Variants in TMEM242 observed in about 807,000 individuals in gnomAD.
TMEM242 encodes transmembrane protein 242, also known as UPF0463 transmembrane protein C6orf35.
In TMEM242, 10 loss-of-function variants were observed where a neutral mutation model predicts 18.2. The observed-to-expected ratio is 0.55, with a 90% CI of 0.34 to 0.93. The LOEUF (loss-of-function observed/expected upper bound fraction) is 0.93, where lower values mean the gene tolerates loss of function less well. Among genes scored for constraint, TMEM242 ranks in the 40% least tolerant of loss-of-function variants. The pLI is 0.02. For synonymous variants in TMEM242, 57 were observed against 69.9 expected (o/e 0.81, Z 0.92); for missense variants, 186 against 175.5 (o/e 1.06, Z -0.34).
At chr6:157,315,743 C>T (rs1778376337) in intron 3 of TMEM242, among the ~76,000 whole-genome samples, 1 of 152,096 alleles carries the variant, frequency 6.6e-6, no homozygotes, top group African/African-American at 2.4e-5. Context: ...TGTATCAATG[C>T]CAAAAAACAA....
intron 3 of TMEM242, among the ~76,000 whole-genome samples, chr6:157,311,309 C>A (rs1778072499): frequency 6.7e-6 from 1 of 150,198 alleles, no homozygotes; most frequent in Non-Finnish European, 1.5e-5. Context: ...TTATAGTGTC[C>A]CAGTGTGTGT....
At chr6:157,306,704 T>A (rs587675324) in intron 3 of TMEM242, among the ~76,000 whole-genome samples, 110 of 152,098 alleles carry the variant, frequency 7.2e-4, no homozygotes, top group African/African-American at 2.4e-3. Context: ...CTGGGTAAAA[T>A]AAAGCAGCAC....
At position 157,292,648 on chromosome 6, in the gene TMEM242, C is replaced by G. The variant is rs1402023055; in HGVS notation, c.*253G>C. Reference sequence around the variant, plus strand: ...AACAGAATCATTTCCTATGGGGTCCCCTCCACATAAGGAAGTTATTCCTGT... The same window carrying G: ...AACAGAATCATTTCCTATGGGGTCCGCTCCACATAAGGAAGTTATTCCTGT... On this transcript the variant is annotated 3_prime_UTR_variant, in exon 4 of 4. Transcript: ENST00000400788. The G allele has an allele frequency of 8.7e-6, 3 of 343,026 alleles. No homozygotes were observed. Among genetic ancestry groups the G allele is most frequent in the African/African-American group, 6.3e-5 (3 of 47,586 alleles). The allele number at this position is 343,026 out of a possible 1,614,324, so 21.2% of individuals were successfully genotyped here. A position where few individuals can be genotyped will look rare whatever the true frequency, so the allele number is the denominator to read the frequency against.
chr6:157,298,532 C>T lies in TMEM242; in HGVS notation c.328-5533G>A, dbSNP rs9347823. Among the ~76,000 whole-genome samples, 10 of 152,248 alleles carry T rather than the reference C, an allele frequency of 6.6e-5. No homozygotes were observed. In the East Asian group the frequency reaches 1.5e-3, roughly 23 times the overall value. On this transcript the variant is annotated intron_variant, in intron 3 of 3. Transcript: ENST00000400788. ...ACATGCCCAACATGCAGCTGCAGTC[C>T]CCACTTCATGTCTTTTTAACGACCC...
chr6:157,311,171 TCCGAATGTGCGCTCA>T (rs1778057795), intron 3 of TMEM242, among the ~76,000 whole-genome samples: 220 of 17,634 alleles, frequency 0.012, 3 homozygotes, highest in Middle Eastern at 0.071. Context: ...CATCATAGTG[TCCGAATGTGCGCTCA>T]CCCAGCCTGA....
chr6:157,317,181 T>C (rs587775774), intron 3 of TMEM242, among the ~76,000 whole-genome samples: 1 of 152,154 alleles, frequency 6.6e-6, no homozygotes, highest in East Asian at 1.9e-4. Context: ...TATGACCCCA[T>C]TTCCTTCCTT....
chr6:157,320,515 G>A (rs782306105), intron 2 of TMEM242, among the ~76,000 whole-genome samples: 3 of 152,260 alleles, frequency 2.0e-5, no homozygotes, highest in Non-Finnish European at 2.9e-5. Flanking sequence ...CTGTCACCCA[G>A]GCTGGAGTGT....
intron 3 of TMEM242, among the ~76,000 whole-genome samples, chr6:157,293,992 A>C (rs1306838485): frequency 3.3e-5 from 5 of 152,110 alleles, no homozygotes; most frequent in African/African-American, 1.2e-4. Flanking sequence ...AAGTGCTGAG[A>C]TCACAGGCGT....
Position 157,310,229 on chromosome 6 carries a change from T to G in TMEM242, c.327+8553A>C, listed in dbSNP as rs587729730. Among the ~76,000 whole-genome samples the G allele has an allele frequency of 5.3e-5, 8 of 152,324 alleles. No homozygotes were observed. The South Asian group carries it at 1.4e-3, about 28-fold the overall frequency. On this transcript the variant is annotated intron_variant, in intron 3 of 3. Coordinates refer to ENST00000400788, the MANE Select transcript of TMEM242 (RefSeq NM_018452.6). Reference sequence around the variant, plus strand: ...CTCTTGAGTCACATGTAAATAACCATGTAAACAGCAAGGCTTCTTTTTCTT... The same window carrying G: ...CTCTTGAGTCACATGTAAATAACCAGGTAAACAGCAAGGCTTCTTTTTCTT...
intron 3 of TMEM242, among the ~76,000 whole-genome samples, chr6:157,312,901 C>CCAGTGTG (rs1778226883): frequency 6.6e-6 from 1 of 151,956 alleles, no homozygotes; most frequent in Non-Finnish European, 1.5e-5. Flanking sequence ...TCATAGTGTC[C>CCAGTGTG]CACTGTGCGC....
At position 157,291,341 on chromosome 6, in the gene TMEM242, A is replaced by C. The variant is rs587644755; in HGVS notation, c.*1560T>G. ...AACGAGTAAAGTGCATCGTTGTAACAAGGTTTGAGGGCCATCTCATGCACG... is the reference window on the plus strand; with the variant it reads ...AACGAGTAAAGTGCATCGTTGTAACCAGGTTTGAGGGCCATCTCATGCACG... On this transcript the variant is annotated 3_prime_UTR_variant, in exon 4 of 4. Coordinates refer to ENST00000400788, the MANE Select transcript of TMEM242 (RefSeq NM_018452.6). 4.6e-5 allele frequency: 7 copies of C among 152,212 alleles called. No homozygotes were observed. Among genetic ancestry groups the C allele is most frequent in the African/African-American group, 1.4e-4 (6 of 41,450 alleles). The allele number at this position is 152,212 out of a possible 1,614,324, so 9.4% of individuals were successfully genotyped here. A position where few individuals can be genotyped will look rare whatever the true frequency, so the allele number is the denominator to read the frequency against.
chr6:157,294,541 G>A (rs781898646), intron 3 of TMEM242, among the ~76,000 whole-genome samples: 120 of 151,504 alleles, frequency 7.9e-4, no homozygotes, highest in Non-Finnish European at 1.4e-3. Context: ...TAGTAGAGAC[G>A]GGGTTTCACC....
At chr6:157,311,393 T>TCATCATAGTGCCCCAGTG (rs1778084378) in intron 3 of TMEM242, among the ~76,000 whole-genome samples, 2 of 7,020 alleles carry the variant, frequency 2.8e-4, no homozygotes, top group Admixed American at 1.2e-3. Context: ...TGCGCTCACC[T>TCATCATAGTGCCCCAGTG]AGCCTCATCA....
intron 2 of TMEM242, among the ~76,000 whole-genome samples, chr6:157,320,595 C>T (rs1162774037): frequency 1.3e-5 from 2 of 152,126 alleles, no homozygotes; most frequent in African/African-American, 2.4e-5. Context: ...CTCAGCCTCC[C>T]AAGTAGCTGG....
chr6:157,312,747 T>G lies in TMEM242; in HGVS notation c.327+6035A>C, dbSNP rs797040506. On this transcript the variant is annotated intron_variant, in intron 3 of 3. Transcript: ENST00000400788. ...CTTACTGTCCCAGTGTGCGCTCACC[T>G]GGCCTCATCTTACTGTCACAGTGTG... is the stretch of plus-strand genomic sequence containing the variant. Among the ~76,000 whole-genome samples the G allele has an allele frequency of 7.5e-3, 208 of 27,768 alleles. 1 individual carries two copies. Among genetic ancestry groups the G allele is most frequent in the South Asian group, 0.011 (8 of 738 alleles). The allele number at this position is 27,768 out of a possible 152,430, so 18.2% of individuals were successfully genotyped here. A position where few individuals can be genotyped will look rare whatever the true frequency, so the allele number is the denominator to read the frequency against.
intron 3 of TMEM242, among the ~76,000 whole-genome samples, chr6:157,313,001 TC>T (rs1562385732): frequency 1.1e-3 from 2 of 1,874 alleles, no homozygotes; most frequent in African/African-American, 3.9e-3. Context: ...CATCATAGTG[TC>T]CCAGTGTCCG....
At chr6:157,313,324 C>G (rs1554249695) in intron 3 of TMEM242, among the ~76,000 whole-genome samples, 2 of 56,686 alleles carry the variant, frequency 3.5e-5, no homozygotes, top group Admixed American at 2.1e-4. Flanking sequence ...GTGCGCTCAC[C>G]TGGCCTCATC....
chr6:157,293,120 A>T, intron 3 of TMEM242, 121 bp from the exon 4 acceptor site: 2 of 654,814 alleles, frequency 3.1e-6, no homozygotes, highest in Admixed American at 5.0e-5. Flanking sequence ...GCTAAGGAAC[A>T]TCAATAAAAG....
At chr6:157,299,260 T>G in intron 3 of TMEM242, 3 of 747,874 alleles carry the variant, frequency 4.0e-6, no homozygotes, top group Non-Finnish European at 7.5e-6. Context: ...GATAGGCCAA[T>G]GGCCCATGAA....
Sources: gnomAD v4.1 joint callset for allele counts (sites outside exome capture counted in the v4.1 genomes callset) on GRCh38, gnomAD v4.1.1 for gene constraint, MANE v1.5 for transcripts, NCBI Gene and HGNC (gene_info 2026-07-23, HGNC 2026-07-21) for gene names.